Variants in PDHX observed in about 807,000 individuals in gnomAD.
PDHX encodes pyruvate dehydrogenase complex component X.
A neutral mutation model predicts 55.3 loss-of-function variants in PDHX; 33 were observed. That is an observed-to-expected ratio of 0.60 (90% CI 0.45 to 0.80). PDHX has a LOEUF of 0.80. Among genes scored for constraint, PDHX ranks in the 30% least tolerant of loss-of-function variants. The pLI, the probability that PDHX is intolerant of heterozygous loss-of-function variation, is 0.00. For missense variants in PDHX, 622 were observed against 619.9 expected (o/e 1.00, Z -0.04); for synonymous variants, 226 against 219.4 (o/e 1.03, Z -0.27).
At chr11:34,950,530 C>G (rs1854733361) in intron 3 of PDHX, among the ~76,000 whole-genome samples, 1 of 149,588 alleles carries the variant, frequency 6.7e-6, no homozygotes, top group Admixed American at 6.7e-5. Flanking sequence ...CCCCCTTCCC[C>G]CCACCCCACA....
At chr11:34,964,653 A>C (rs775466802) in intron 5 of PDHX, among the ~76,000 whole-genome samples, 2 of 152,130 alleles carry the variant, frequency 1.3e-5, no homozygotes, top group Non-Finnish European at 2.9e-5. Context: ...GAGCAAGAAG[A>C]AGCAATTTTG....
At chr11:34,985,682 G>A (rs1338775126) in intron 9 of PDHX, among the ~76,000 whole-genome samples, 1 of 152,182 alleles carries the variant, frequency 6.6e-6, no homozygotes, top group South Asian at 2.1e-4. Context: ...GATTCATTTG[G>A]GTAAGTGATT....
chr11:34,928,977 T>C (rs997442356), intron 1 of PDHX, among the ~76,000 whole-genome samples: 2 of 152,260 alleles, frequency 1.3e-5, no homozygotes, highest in Non-Finnish European at 2.9e-5. Context: ...AGCTATCTTC[T>C]AGTTATAATT....
At chr11:34,962,231 T>C (rs1855034282) in intron 5 of PDHX, among the ~76,000 whole-genome samples, 1 of 152,186 alleles carries the variant, frequency 6.6e-6, no homozygotes, top group Non-Finnish European at 1.5e-5. Context: ...GGAGATAAAT[T>C]AATAGGCTCC....
chr11:34,973,610 T>A (rs1327835877), intron 7 of PDHX, among the ~76,000 whole-genome samples: 1 of 152,158 alleles, frequency 6.6e-6, no homozygotes, highest in African/African-American at 2.4e-5. Flanking sequence ...ATTCTTTAAT[T>A]TATCACGGCC....
chr11:34,918,100 G>T (rs1045201345), intron 1 of PDHX, among the ~76,000 whole-genome samples: 1 of 152,098 alleles, frequency 6.6e-6, no homozygotes, highest in Non-Finnish European at 1.5e-5. Context: ...GAGAATCTTT[G>T]AAAATGTTAC....
At position 34,984,712 on chromosome 11, in the gene PDHX, T is replaced by C; in HGVS notation, c.1166T>C (p.Ile389Thr). 6.2e-7 allele frequency: 1 copy of C among 1,614,052 alleles called. No individual in the cohort carries two copies. The highest frequency in any genetic ancestry group is 2.2e-5 in the East Asian group (1 of 44,860). ...KDAAAKGIQE[I>T]ADSVKALSKK... ...GCTGCTGCTAAAGGTATCCAGGAAA[T>C]TGCTGACTCTGTAAAGGTATGTCTT... The change falls in exon 9 of 11, where the codon ATT (isoleucine) becomes ACT (threonine). Residue 389 changes from isoleucine (I) to threonine (T), a missense_variant. Ile to Thr is a moderately conservative substitution (Grantham distance 89, BLOSUM62 -1). Coordinates refer to ENST00000227868, the MANE Select transcript of PDHX (RefSeq NM_003477.3).
At chr11:34,967,546 G>T (rs1049072664) in intron 6 of PDHX, among the ~76,000 whole-genome samples, 5 of 152,110 alleles carry the variant, frequency 3.3e-5, no homozygotes, top group African/African-American at 1.2e-4. Context: ...GAACTATGTA[G>T]CTAGTCATTC....
intron 9 of PDHX, among the ~76,000 whole-genome samples, chr11:34,985,863 C>G (rs971040317): frequency 1.3e-5 from 2 of 152,170 alleles, no homozygotes; most frequent in African/African-American, 4.8e-5. Flanking sequence ...GTTTTAAAAG[C>G]ATACCCATAA....
chr11:34,947,965 A>G (rs1017326295), intron 3 of PDHX, among the ~76,000 whole-genome samples: 3 of 152,198 alleles, frequency 2.0e-5, no homozygotes, highest in African/African-American at 7.2e-5. Flanking sequence ...TAACTTCCAG[A>G]ACCTTTACTA....
At chr11:34,984,303 TCC>T (rs1407537188) in intron 8 of PDHX, among the ~76,000 whole-genome samples, 3 of 152,190 alleles carry the variant, frequency 2.0e-5, no homozygotes, top group Non-Finnish European at 4.4e-5. Context: ...AAGCCCTTTT[TCC>T]CCACCATGAT....
At chr11:34,923,427 C>T (rs911219183) in intron 1 of PDHX, among the ~76,000 whole-genome samples, 1 of 152,156 alleles carries the variant, frequency 6.6e-6, no homozygotes, top group Non-Finnish European at 1.5e-5. Flanking sequence ...CTAACTTCTT[C>T]AGGAAAGTGC....
At chr11:34,940,111 T>G (rs918453243) in intron 2 of PDHX, among the ~76,000 whole-genome samples, 5 of 152,060 alleles carry the variant, frequency 3.3e-5, no homozygotes, top group East Asian at 1.9e-4. Context: ...AAAAACCTTG[T>G]TTTTTTTCCT....
intron 3 of PDHX, among the ~76,000 whole-genome samples, chr11:34,948,203 C>T (rs560767968): frequency 7.2e-5 from 11 of 152,300 alleles, no homozygotes; most frequent in African/African-American, 2.6e-4. Context: ...AGACCTGTTA[C>T]CCAATTGCTC....
intron 3 of PDHX, among the ~76,000 whole-genome samples, chr11:34,947,912 T>C (rs2133963172): frequency 6.6e-6 from 1 of 152,320 alleles, no homozygotes; most frequent in African/African-American, 2.4e-5. Flanking sequence ...TTTAGCATTG[T>C]GTGGTATATT....
intron 1 of PDHX, among the ~76,000 whole-genome samples, chr11:34,924,436 G>GTC (rs1439031979): frequency 6.6e-6 from 1 of 152,096 alleles, no homozygotes; most frequent in Non-Finnish European, 1.5e-5. Context: ...GTCCAGGCTG[G>GTC]TCTTGAACTT....
rs114628637 is a variant in PDHX, at chr11:34,946,860, T to G, written c.242-646T>G. 2.5e-3 allele frequency among the ~76,000 whole-genome samples: 382 copies of G among 152,336 alleles called. 1 individual carries two copies. The highest frequency in any genetic ancestry group is 8.8e-3 in the African/African-American group (367 of 41,574). Reference sequence around the variant, plus strand: ...CTTTAATCCCCAAAGGAAACTGTTGTACCTCTTTTCCCCTGTTTGCTCCAA... The same window carrying G: ...CTTTAATCCCCAAAGGAAACTGTTGGACCTCTTTTCCCCTGTTTGCTCCAA... On this transcript the variant is annotated intron_variant, in intron 2 of 10. Transcript: ENST00000227868.
rs1375836445 is a variant in PDHX, at chr11:34,957,545, C to T, written c.504C>T (p.Ser168=). Residue 168 remains serine, a synonymous_variant, in exon 4 of 11, where the codon TCC becomes TCT. Transcript: ENST00000227868. ...GCCCCTCACCAGAACCACAGATTTC[C>T]ATCCCTGTCAAGAAGGAACACATAC... ...EPRPSPEPQI[S]IPVKKEHIPG... 6.2e-7 allele frequency: 1 copy of T among 1,613,978 alleles called. No individual in the cohort carries two copies. The highest frequency in any genetic ancestry group is 8.5e-7 in the Non-Finnish European group (1 of 1,179,976).
intron 3 of PDHX, among the ~76,000 whole-genome samples, chr11:34,951,788 A>G (rs1223754459): frequency 6.6e-6 from 1 of 152,118 alleles, no homozygotes; most frequent in Non-Finnish European, 1.5e-5. Context: ...TGTGTCCTGA[A>G]TGGTAATGCC....
Sources: allele counts gnomAD v4.1 joint callset (sites outside exome capture counted in the v4.1 genomes callset), GRCh38; gene constraint gnomAD v4.1.1; transcripts MANE v1.5; gene names NCBI Gene and HGNC (gene_info 2026-07-23, HGNC 2026-07-21).